The following ERBB4 variants were observed in gnomAD, a reference collection of about 807,000 sequenced individuals.
The protein encoded by ERBB4 is receptor tyrosine-protein kinase erbB-4.
Under a neutral mutation model 158.0 loss-of-function variants are expected in ERBB4, and 42 were observed. That is an observed-to-expected ratio of 0.27 (90% CI 0.21 to 0.34). ERBB4 has a LOEUF of 0.34. ERBB4 is among the 10% of genes least tolerant of loss of function. The pLI is 1.00. For missense variants in ERBB4, 1,333 were observed against 1,624.1 expected (o/e 0.82, Z 3.08); for synonymous variants, 583 against 558.7 (o/e 1.04, Z -0.61).
In ERBB4 at chr2:211,475,989, G is replaced by A. The variant is rs1574563746; in HGVS notation, c.2488-44889C>T. 2.6e-5 allele frequency among the ~76,000 whole-genome samples: 4 copies of A among 152,102 alleles called. 1 individual carries two copies. The South Asian group carries it at 8.3e-4, about 32-fold the overall frequency. On this transcript the variant is annotated intron_variant, in intron 20 of 27. Coordinates refer to ENST00000342788, the MANE Select transcript of ERBB4 (RefSeq NM_005235.3). ...CAAGAAAAATAACAAATATAAAAATGACTCAAGTATATGGCAAAATATTAC... is the reference window on the plus strand; with the variant it reads ...CAAGAAAAATAACAAATATAAAAATAACTCAAGTATATGGCAAAATATTAC...
In ERBB4 at chr2:211,383,438, C is replaced by T; in HGVS notation, c.*177G>A. On this transcript the variant is annotated 3_prime_UTR_variant, in exon 28 of 28. Coordinates refer to ENST00000342788, the MANE Select transcript of ERBB4 (RefSeq NM_005235.3). ...GTTCCTCCTATCTTTCTCTTTCAGT[C>T]TTTCCCTCTAATGTTCAAGTTAGGT... 1 of 614,654 alleles carries T rather than the reference C, an allele frequency of 1.6e-6. No individual in the cohort carries two copies. The highest frequency in any genetic ancestry group is 1.8e-5 in the African/African-American group (1 of 54,302). The allele number at this position is 614,654 out of a possible 1,614,324, so 38.1% of individuals were successfully genotyped here. A position where few individuals can be genotyped will look rare whatever the true frequency, so the allele number is the denominator to read the frequency against.
At chr2:212,123,996 G>C (rs17416263) in intron 2 of ERBB4, among the ~76,000 whole-genome samples, 62,566 of 151,984 alleles carry the variant, frequency 0.41, 15,317 homozygotes, top group Non-Finnish European at 0.55. Context: ...TCTTAATTGT[G>C]CAAAGACCAC....
At chr2:212,481,660 C>A (rs1689704763) in intron 1 of ERBB4, among the ~76,000 whole-genome samples, 1 of 151,998 alleles carries the variant, frequency 6.6e-6, no homozygotes, top group Non-Finnish European at 1.5e-5. Context: ...ATGCCTGACA[C>A]CCAGAAGAAG....
At chr2:211,599,226 C>G (rs2068726146) in intron 19 of ERBB4, among the ~76,000 whole-genome samples, 1 of 152,042 alleles carries the variant, frequency 6.6e-6, no homozygotes. Flanking sequence ...GTGTATATAC[C>G]CTCCAGAGGG....
rs80033678 is a variant in ERBB4 at position 211,599,945 on chromosome 2, T to C, written c.2301+19232A>G. Among the ~76,000 whole-genome samples the C allele has an allele frequency of 8.5e-3, 1,288 of 152,272 alleles. 19 individuals carry two copies. The highest frequency in any genetic ancestry group is 0.028 in the African/African-American group (1,170 of 41,564). Reference sequence around the variant, plus strand: ...AGTTATAAACTACCACTTCTCAATATGGGTGCTTCTTGTCTTTCTTGTTTC... The same window carrying C: ...AGTTATAAACTACCACTTCTCAATACGGGTGCTTCTTGTCTTTCTTGTTTC... On this transcript the variant is annotated intron_variant, in intron 19 of 27. Coordinates refer to ENST00000342788, the MANE Select transcript of ERBB4 (RefSeq NM_005235.3).
chr2:212,185,033 TC>T (rs1302467512), intron 1 of ERBB4, among the ~76,000 whole-genome samples: 1 of 137,256 alleles, frequency 7.3e-6, no homozygotes, highest in African/African-American at 3.5e-5. Context: ...TTTTTTTTTT[TC>T]TTTTGAGACA....
intron 1 of ERBB4, among the ~76,000 whole-genome samples, chr2:212,445,224 C>G (rs992567551): frequency 2.6e-5 from 4 of 151,978 alleles, no homozygotes; most frequent in Non-Finnish European, 5.9e-5. Context: ...CTCCAGAACG[C>G]CGTGTATGAT....
chr2:212,508,101 A>G (rs1691294961), intron 1 of ERBB4, among the ~76,000 whole-genome samples: 1 of 152,236 alleles, frequency 6.6e-6, no homozygotes, highest in African/African-American at 2.4e-5. Context: ...AACCCATTGA[A>G]GGCTCAGATG....
chr2:212,514,813 G>A (rs4366846), intron 1 of ERBB4, among the ~76,000 whole-genome samples: 45,057 of 151,854 alleles, frequency 0.3, 8,809 homozygotes, highest in African/African-American at 0.56. Flanking sequence ...CAATCAATCA[G>A]TCAATCAATT....
chr2:211,525,278 A>C (rs983419831), intron 20 of ERBB4, among the ~76,000 whole-genome samples: 6 of 152,024 alleles, frequency 3.9e-5, no homozygotes, highest in Non-Finnish European at 8.8e-5. Context: ...TCCATAATAG[A>C]CCACTTCCTT....
At chr2:212,206,637 A>G (rs1241049548) in intron 1 of ERBB4, among the ~76,000 whole-genome samples, 2 of 134,298 alleles carry the variant, frequency 1.5e-5, no homozygotes, top group South Asian at 2.3e-4. Context: ...GCCCAGGCCA[A>G]CTGCAGTGGT....
At chr2:212,347,200 C>A (rs1560078949) in intron 1 of ERBB4, among the ~76,000 whole-genome samples, 1 of 151,974 alleles carries the variant, frequency 6.6e-6, no homozygotes, top group Admixed American at 6.6e-5. Flanking sequence ...AGATAAATGC[C>A]AAAGGAAGAA....
chr2:212,312,257 T>C (rs10208528), intron 1 of ERBB4, among the ~76,000 whole-genome samples: 144,608 of 150,980 alleles, frequency 0.96, 69,328 homozygotes, highest in African/African-American at 0.99. Context: ...TCCTAACTTG[T>C]CTGCCTTCTC....
At chr2:212,289,545 G>C (rs927066281) in intron 1 of ERBB4, among the ~76,000 whole-genome samples, 1 of 152,084 alleles carries the variant, frequency 6.6e-6, no homozygotes, top group Admixed American at 6.6e-5. Flanking sequence ...GTTTCTTTGT[G>C]CATCTCTGGT....
intron 19 of ERBB4, among the ~76,000 whole-genome samples, chr2:211,617,917 A>C (rs2069454812): frequency 6.6e-6 from 1 of 152,036 alleles, no homozygotes; most frequent in South Asian, 2.1e-4. Flanking sequence ...CTTTGATAGA[A>C]CCCCTGGCAA....
intron 3 of ERBB4, among the ~76,000 whole-genome samples, chr2:211,789,983 C>T (rs1236387334): frequency 2.0e-5 from 3 of 151,410 alleles, no homozygotes; most frequent in Non-Finnish European, 2.9e-5. Flanking sequence ...TCCATTTTGT[C>T]GGTGAGGAAA....
intron 2 of ERBB4, among the ~76,000 whole-genome samples, chr2:211,977,699 G>A (rs750476639): frequency 6.6e-6 from 1 of 150,778 alleles, no homozygotes; most frequent in African/African-American, 2.4e-5. Context: ...TTAGCTGGGC[G>A]TGGTGGACCA....
At chr2:211,801,494 G>C (rs1244195949) in intron 3 of ERBB4, among the ~76,000 whole-genome samples, 1 of 151,986 alleles carries the variant, frequency 6.6e-6, no homozygotes, top group African/African-American at 2.4e-5. Flanking sequence ...TTTTATTTGT[G>C]AGTTTGGGAT....
chr2:212,437,950 T>G (rs2092173603), intron 1 of ERBB4, among the ~76,000 whole-genome samples: 1 of 152,112 alleles, frequency 6.6e-6, no homozygotes, highest in Non-Finnish European at 1.5e-5. Context: ...TCACAGTACC[T>G]ACTCATTCTC....
Sources: allele counts gnomAD v4.1 joint callset (sites outside exome capture counted in the v4.1 genomes callset), GRCh38; gene constraint gnomAD v4.1.1; transcripts MANE v1.5; gene names NCBI Gene and HGNC (gene_info 2026-07-23, HGNC 2026-07-21).